The following DNMT1 variants were observed in gnomAD, a reference collection of about 807,000 sequenced individuals.
DNMT1 encodes DNA methyltransferase 1.
Under a neutral mutation model 205.3 loss-of-function variants are expected in DNMT1, and 24 were observed. That is an observed-to-expected ratio of 0.12 (90% confidence interval 0.08 to 0.16). The LOEUF (loss-of-function observed/expected upper bound fraction) is 0.16. Among genes scored for constraint, DNMT1 ranks in the 10% least tolerant of loss-of-function variants. The pLI is 1.00. For missense variants in DNMT1, 1,293 were observed against 2,177.7 expected (o/e 0.59, Z 8.09); for synonymous variants, 817 against 839.8 (o/e 0.97, Z 0.47).
At chr19:10,193,003 C>T (rs759665755) in intron 1 of DNMT1, among the ~76,000 whole-genome samples, 13 of 151,946 alleles carry the variant, frequency 8.6e-5, no homozygotes, top group African/African-American at 9.7e-5. Context: ...GCCGAGATCA[C>T]GCCACCGCAT....
chr19:10,135,028 A>T (rs1199263355), intron 39 of DNMT1, among the ~76,000 whole-genome samples: 1 of 151,998 alleles, frequency 6.6e-6, no homozygotes. Context: ...CCTGGCCAAC[A>T]TGGTGAAACC....
At chr19:10,161,600 T>C (rs1250995464) in intron 13 of DNMT1, among the ~76,000 whole-genome samples, 2 of 152,156 alleles carry the variant, frequency 1.3e-5, no homozygotes, top group Non-Finnish European at 2.9e-5. Context: ...TAGCTATGAC[T>C]GTACCACTGC....
At position 10,151,499 on chromosome 19, in the gene DNMT1, C is replaced by T. The variant is rs1254979538; in HGVS notation, c.2164G>A (p.Asp722Asn). Residue 722 changes from aspartate to asparagine, a missense_variant, in exon 24 of 41, where the codon GAT (aspartate) becomes AAT (asparagine). Coordinates refer to ENST00000359526, the MANE Select transcript of DNMT1 (RefSeq NM_001130823.3). This position sits in a 1 kb window ranked among gnomAD's most constrained non-coding sequence, Gnocchi z 5.0. ...MKEADDDEEV[D>N]DNIPEMPSPK... The stretch of plus-strand genomic sequence containing the variant: ...GACGGCATCTCTGGGATGTTATCAT[C>T]GACTTCCTCATCGTCATCTGCCTCC... 4 of 1,613,996 alleles carry T rather than the reference C, an allele frequency of 2.5e-6. No homozygotes were observed. Among genetic ancestry groups the T allele is most frequent in the African/African-American group, 1.3e-5 (1 of 74,916 alleles).
Position 10,135,181 on chromosome 19 carries a change from C to A in DNMT1, c.4773+555G>T, listed in dbSNP as rs561917377. ...TGAGCTGAGATCACGCCACTTCACT[C>A]CAGCCTGGGCGAAAGAACAAAGCTC... On this transcript the variant is annotated intron_variant, in intron 39 of 40. Coordinates refer to ENST00000359526, the MANE Select transcript of DNMT1 (RefSeq NM_001130823.3). Among the ~76,000 whole-genome samples the A allele has an allele frequency of 1.3e-4, 19 of 147,622 alleles. No individual in the cohort carries two copies. In the South Asian group the frequency reaches 3.9e-3, roughly 30 times the overall value.
chr19:10,164,560 T>C (rs2038643031), intron 11 of DNMT1, among the ~76,000 whole-genome samples: 1 of 151,936 alleles, frequency 6.6e-6, no homozygotes, highest in South Asian at 2.1e-4. Context: ...TGAGCTATGA[T>C]AGCACCACTG....
chr19:10,156,968 C>T lies in DNMT1; in HGVS notation c.1281-459G>A, dbSNP rs1239707935. Among the ~76,000 whole-genome samples the T allele has an allele frequency of 2.0e-5, 3 of 152,166 alleles. No homozygotes were observed. The highest frequency in any genetic ancestry group is 2.9e-5 in the Non-Finnish European group (2 of 68,024). Reference sequence around the variant, plus strand: ...ACACTGGATTAAGACAGCGTTCTATCACCCAGAGTTTCTACCTTATTCTCC... The same window carrying T: ...ACACTGGATTAAGACAGCGTTCTATTACCCAGAGTTTCTACCTTATTCTCC... On this transcript the variant is annotated intron_variant, in intron 17 of 40. Coordinates refer to ENST00000359526, the MANE Select transcript of DNMT1 (RefSeq NM_001130823.3). This position sits in a 1 kb window ranked among gnomAD's most constrained non-coding sequence, Gnocchi z 4.2.
At position 10,180,565 on chromosome 19, in the gene DNMT1, C is replaced by CTAAAGT; in HGVS notation, c.229_230insACTTTA (p.Gly77delinsAspPheSer). On this transcript the variant is annotated protein_altering_variant, in exon 4 of 41. Coordinates refer to ENST00000359526, the MANE Select transcript of DNMT1 (RefSeq NM_001130823.3). Reference sequence around the variant, plus strand: ...AAGGGATTTGACTTTAGCCAGGTAGCCCTCCTACAGCAGGAAAGGATAATT... The same window carrying CTAAAGT: ...AAGGGATTTGACTTTAGCCAGGTAGCTAAAGTCCTCCTACAGCAGGAAAGGATAATT... The CTAAAGT allele has an allele frequency of 6.2e-7, 1 of 1,613,988 alleles. No homozygotes were observed. Among genetic ancestry groups the CTAAAGT allele is most frequent in the Non-Finnish European group, 8.5e-7 (1 of 1,179,990 alleles).
At position 10,137,743 on chromosome 19, in the gene DNMT1, T is replaced by C; in HGVS notation, c.4293+89A>G. 1 of 1,516,992 alleles carries C rather than the reference T, an allele frequency of 6.6e-7. No individual in the cohort carries two copies. The highest frequency in any genetic ancestry group is 1.9e-5 in the Admixed American group (1 of 51,980). The allele number at this position is 1,516,992 out of a possible 1,614,324, so 94.0% of individuals were successfully genotyped here. A position where few individuals can be genotyped will look rare whatever the true frequency, so the allele number is the denominator to read the frequency against. On this transcript the variant is annotated intron_variant, in intron 36 of 40. Transcript: ENST00000359526. This position sits in a 1 kb window ranked among gnomAD's most constrained non-coding sequence, Gnocchi z 6.4. ...GAGGAGCCTGGGATCAGATTCCATGTCTCCCCTGAGTCTTGGGCAGGCTGA... is the reference window on the plus strand; with the variant it reads ...GAGGAGCCTGGGATCAGATTCCATGCCTCCCCTGAGTCTTGGGCAGGCTGA...
Position 10,133,724 on chromosome 19 carries a change from G to C in DNMT1, c.4865-23C>G. On this transcript the variant is annotated intron_variant, in intron 40 of 40. Coordinates refer to ENST00000359526, the MANE Select transcript of DNMT1 (RefSeq NM_001130823.3). This position sits in a 1 kb window ranked among gnomAD's most constrained non-coding sequence, Gnocchi z 4.1. ...TAGCTGAAGGGAAATAAAAGGAAAA[G>C]TCACTCTGGGGAACACGCCCGGTGT... 1 of 1,578,968 alleles carries C rather than the reference G, an allele frequency of 6.3e-7. No individual in the cohort carries two copies. Among genetic ancestry groups the C allele is most frequent in the South Asian group, 1.2e-5 (1 of 86,322 alleles).
Position 10,159,645 on chromosome 19 carries a change from A to G in DNMT1, c.1280+13T>C, listed in dbSNP as rs1054253002. On this transcript the variant is annotated intron_variant, in intron 17 of 40. Coordinates refer to ENST00000359526, the MANE Select transcript of DNMT1 (RefSeq NM_001130823.3). This position sits in a 1 kb window ranked among gnomAD's most constrained non-coding sequence, Gnocchi z 5.0. Reference sequence around the variant, plus strand: ...CTTCCACGAAGCAAACATGCACACGAAAGTGCACTTACCTGAAGCAGGTCA... The same window carrying G: ...CTTCCACGAAGCAAACATGCACACGGAAGTGCACTTACCTGAAGCAGGTCA... 6.2e-7 allele frequency: 1 copy of G among 1,613,504 alleles called. No individual in the cohort carries two copies. Among genetic ancestry groups the G allele is most frequent in the African/African-American group, 1.3e-5 (1 of 74,914 alleles).
intron 30 of DNMT1, 159 bp downstream of exon 30, chr19:10,141,869 C>G (rs1383959254): frequency 2.5e-6 from 2 of 795,482 alleles, no homozygotes; most frequent in Non-Finnish European, 3.9e-6. Context: ...GCTCAGACCC[C>G]CGTAAAGCTC....
Position 10,151,834 on chromosome 19 carries a change from G to A in DNMT1, c.2033C>T (p.Pro678Leu). The A allele has an allele frequency of 6.2e-7, 1 of 1,614,008 alleles. No individual in the cohort carries two copies. The highest frequency in any genetic ancestry group is 8.5e-7 in the Non-Finnish European group (1 of 1,180,000). ...GCAGGCTTTACATTTCCCACACTCA[G>A]GCTGCTGACACACCTAAAAAATGGC... Reference protein sequence around the residue: ...RCGVCEVCQQPECGKCKACKD... With the variant: ...RCGVCEVCQQLECGKCKACKD... Residue 678 changes from proline (P) to leucine (L), a missense_variant, in exon 23 of 41, where the codon CCT (proline) becomes CTT (leucine). Coordinates refer to ENST00000359526, the MANE Select transcript of DNMT1 (RefSeq NM_001130823.3). This position sits in a 1 kb window ranked among gnomAD's most constrained non-coding sequence, Gnocchi z 5.0.
chr19:10,141,761 A>G, intron 30 of DNMT1: 1 of 493,946 alleles, frequency 2.0e-6, no homozygotes, highest in Non-Finnish European at 3.7e-6. Context: ...CCAAGACACT[A>G]AAACGTTAGG....
intron 3 of DNMT1, 77 bp from the exon 4 acceptor site, chr19:10,180,646 T>TTCATCATCATCA (rs3217302): frequency 2.9e-5 from 43 of 1,467,314 alleles, no homozygotes; most frequent in African/African-American, 1.7e-4. Context: ...ATGTGTTTCC[T>TTCATCATCATCA]TCATCATCAT....
At chr19:10,161,883 C>G (rs2145327399) in intron 13 of DNMT1, among the ~76,000 whole-genome samples, 1 of 152,022 alleles carries the variant, frequency 6.6e-6, no homozygotes, top group East Asian at 1.9e-4. Context: ...TGCTGTGTCC[C>G]CAGCCTGGAG....
At position 10,159,576 on chromosome 19, in the gene DNMT1, T is replaced by A; in HGVS notation, c.1280+82A>T. On this transcript the variant is annotated intron_variant, in intron 17 of 40. Transcript: ENST00000359526. The surrounding 1 kb of genome is among the most constrained non-coding windows in gnomAD (Gnocchi z 5.0). ...GTTGCAGGTCAGGCACTAAAAAACA[T>A]CACCAGAATCGTGAGCCCGCAGGCA... is the stretch of plus-strand genomic sequence containing the variant. 7.2e-7 allele frequency: 1 copy of A among 1,390,358 alleles called. No homozygotes were observed. The highest frequency in any genetic ancestry group is 1.0e-6 in the Non-Finnish European group (1 of 986,646). 86.1% of individuals were successfully genotyped at this position (1,390,358 alleles called of 1,614,324 possible).
intron 5 of DNMT1, 100 bp from the exon 6 acceptor site, chr19:10,177,467 G>T (rs1826730111): frequency 5.1e-6 from 6 of 1,173,080 alleles, no homozygotes; most frequent in Admixed American, 4.7e-5. Context: ...GCTATTGCAG[G>T]AAGCCAGGTT....
chr19:10,155,027 T>A lies in DNMT1; in HGVS notation c.1522A>T (p.Ser508Cys). The A allele has an allele frequency of 6.2e-7, 1 of 1,614,164 alleles. No individual in the cohort carries two copies. The highest frequency in any genetic ancestry group is 1.1e-5 in the South Asian group (1 of 91,082). ...CCAAATATGGGCGCATACTCGGGAC[T>A]GGGATCCATCAGAATGTATTCGGCA... is the stretch of plus-strand genomic sequence containing the variant. ...SFAEYILMDP[S>C]PEYAPIFGLM... The change falls in exon 20 of 41, where the codon AGT becomes TGT. Residue 508 changes from serine to cysteine, a missense_variant. Physicochemically the swap from Ser to Cys is moderately radical, Grantham distance 112. Around this residue, in one of 13 missense-constraint regions of DNMT1, gnomAD observed 120 missense variants for 315.9 expected, o/e 0.38. Coordinates refer to ENST00000359526, the MANE Select transcript of DNMT1 (RefSeq NM_001130823.3).
In DNMT1 at chr19:10,177,336, C is replaced by T; in HGVS notation, c.525G>A (p.Arg175=). The change falls in exon 6 of 41, where the codon AGG becomes AGA. Residue 175 remains arginine (R), a synonymous_variant. Transcript: ENST00000359526. ...TGATGGTGGTTTGCCTGGTGCTTTT[C>T]CTTGTAATCCTGGGGCTAGGTGAAG... ...AEPSPSPRIT[R]KSTRQTTITS... 6.2e-7 allele frequency: 1 copy of T among 1,613,842 alleles called. No homozygotes were observed. The highest frequency in any genetic ancestry group is 8.5e-7 in the Non-Finnish European group (1 of 1,179,968).
Sources: gnomAD v4.1 joint callset for allele counts (sites outside exome capture counted in the v4.1 genomes callset) on GRCh38, gnomAD v4.1.1 for gene constraint, gnomAD v4.1.1 regional missense constraint, Gnocchi (gnomAD v3.1) non-coding constraint, MANE v1.5 for transcripts, NCBI Gene and HGNC (gene_info 2026-07-23, HGNC 2026-07-21) for gene names.